Variants in WFDC10B observed in about 807,000 individuals in gnomAD.
WFDC10B encodes the protein WAP four-disulfide core domain 10B.
Under a neutral mutation model 2.7 loss-of-function variants are expected in WFDC10B, and 1 was observed. The ratio of observed to expected loss-of-function variants is 0.38; its 90% CI spans 0.13 to 1.79. WFDC10B has a LOEUF of 1.79. WFDC10B is among the 40% of genes most tolerant of loss of function. The pLI, the probability that WFDC10B is intolerant of heterozygous loss-of-function variation, is 0.33. For missense variants in WFDC10B, 71 were observed against 87.8 expected, an observed-to-expected ratio of 0.81 and a Z score of 0.76; for synonymous variants, 26 against 32.2, an observed-to-expected ratio of 0.81 and a Z score of 0.65.
chr20:45,703,512 A>G (rs559531681), intron 2 of WFDC10B, among the ~76,000 whole-genome samples: 1 of 152,330 alleles, frequency 6.6e-6, no homozygotes, highest in East Asian at 1.9e-4. Context: ...TCTATTTGCA[A>G]TAGAATGCCC....
At chr20:45,704,141 C>T (rs1183619144) in intron 2 of WFDC10B, among the ~76,000 whole-genome samples, 1 of 152,220 alleles carries the variant, frequency 6.6e-6, no homozygotes, top group Non-Finnish European at 1.5e-5. Flanking sequence ...CATTGATACC[C>T]TTGATATGGA....
intron 2 of WFDC10B, among the ~76,000 whole-genome samples, chr20:45,704,039 T>A (rs1281908060): frequency 6.6e-6 from 1 of 152,218 alleles, no homozygotes; most frequent in Non-Finnish European, 1.5e-5. Context: ...TAAACTATGT[T>A]GTTAATGAGA....
At chr20:45,693,504 T>C (rs979739198) in intron 2 of WFDC10B, among the ~76,000 whole-genome samples, 1 of 152,176 alleles carries the variant, frequency 6.6e-6, no homozygotes, top group Non-Finnish European at 1.5e-5. Flanking sequence ...CCCGGCTGCT[T>C]TGTTTACCTA....
At chr20:45,693,244 G>A (rs890294300) in intron 2 of WFDC10B, among the ~76,000 whole-genome samples, 16 of 152,172 alleles carry the variant, frequency 1.1e-4, no homozygotes, top group African/African-American at 3.6e-4. Context: ...CCTACTGGGG[G>A]GTGCCTCCCA....
Position 45,686,061 on chromosome 20 carries a change from G to A in WFDC10B, c.-64-5C>T. 2 of 1,564,292 alleles carry A rather than the reference G, an allele frequency of 1.3e-6. No individual in the cohort carries two copies. The highest frequency in any genetic ancestry group is 1.7e-6 in the Non-Finnish European group (2 of 1,153,104). On this transcript the variant is annotated splice_region_variant and splice_polypyrimidine_tract_variant and intron_variant, in intron 2 of 3. Coordinates refer to ENST00000330523, the MANE Select transcript of WFDC10B (RefSeq NM_172006.2). The stretch of plus-strand genomic sequence containing the variant: ...CAGACTTCCCTGCAGAGCTGCCTGT[G>A]GAGAGGGAAGGAAATAAAGAAGGAA...
chr20:45,701,214 T>A (rs1284679286), intron 2 of WFDC10B, among the ~76,000 whole-genome samples: 1 of 152,136 alleles, frequency 6.6e-6, no homozygotes, highest in Non-Finnish European at 1.5e-5. Context: ...GCAGTTTTTG[T>A]AGGTAGATTC....
rs566390657 is a variant in WFDC10B at position 45,691,482 on chromosome 20, GT to G, written c.-64-5427del. Among the ~76,000 whole-genome samples, 815 of 150,914 alleles carry G rather than the reference GT, an allele frequency of 5.4e-3. 6 individuals carry two copies. The highest frequency in any genetic ancestry group is 0.019 in the African/African-American group (781 of 41,012). The stretch of plus-strand genomic sequence containing the variant: ...AATGTGTGGGAGTCTAAGTCTCTTT[GT>G]AGGTCACTCAGGACTTGCTTTATGA... On this transcript the variant is annotated intron_variant, in intron 2 of 3. Coordinates refer to ENST00000330523, the MANE Select transcript of WFDC10B (RefSeq NM_172006.2).
chr20:45,684,719 C>A lies in WFDC10B; in HGVS notation c.*111G>T, dbSNP rs1424713587. Reference sequence around the variant, plus strand: ...TCAGACACTGGGGAGGGTGGCATTCCTGTTGATGTTCTTGTGCTGATGATT... The same window carrying A: ...TCAGACACTGGGGAGGGTGGCATTCATGTTGATGTTCTTGTGCTGATGATT... On this transcript the variant is annotated 3_prime_UTR_variant, in exon 4 of 4. Transcript: ENST00000330523. 8 of 1,443,300 alleles carry A rather than the reference C, an allele frequency of 5.5e-6. No homozygotes were observed. The East Asian group carries it at 7.0e-5, about 13-fold the overall frequency. 89.4% of individuals were successfully genotyped at this position (1,443,300 alleles called of 1,614,324 possible).
chr20:45,702,901 G>C (rs1336343529), intron 2 of WFDC10B, among the ~76,000 whole-genome samples: 1 of 152,204 alleles, frequency 6.6e-6, no homozygotes, highest in African/African-American at 2.4e-5. Context: ...AACATCTTCA[G>C]AATACTGGCG....
intron 2 of WFDC10B, among the ~76,000 whole-genome samples, chr20:45,693,871 A>G (rs527435518): frequency 3.0e-4 from 45 of 152,300 alleles, no homozygotes; most frequent in Admixed American, 2.7e-3. Flanking sequence ...CCCTAGTGAG[A>G]TGAACCCGGT....
At chr20:45,685,524 C>T (rs192239806) in intron 3 of WFDC10B, among the ~76,000 whole-genome samples, 2 of 152,208 alleles carry the variant, frequency 1.3e-5, no homozygotes, top group Non-Finnish European at 2.9e-5. Context: ...CCCATTTCTA[C>T]ACCTACACCT....
intron 2 of WFDC10B, among the ~76,000 whole-genome samples, chr20:45,691,915 C>A (rs187504969): frequency 6.6e-5 from 10 of 152,262 alleles, no homozygotes; most frequent in African/African-American, 1.9e-4. Flanking sequence ...TTAGTTGATG[C>A]AGTTTCTTCT....
rs1443462422 is a variant in WFDC10B at position 45,687,858 on chromosome 20, CTTTT to C, written c.-64-1806_-64-1803del. Among the ~76,000 whole-genome samples, 154 of 124,962 alleles carry C rather than the reference CTTTT, an allele frequency of 1.2e-3. 2 individuals carry two copies. The highest frequency in any genetic ancestry group is 4.9e-3 in the African/African-American group (143 of 29,196). 82.0% of individuals were successfully genotyped at this position (124,962 alleles called of 152,430 possible). A position where few individuals can be genotyped will look rare whatever the true frequency, so the allele number is the denominator to read the frequency against. On this transcript the variant is annotated intron_variant, in intron 2 of 3. Coordinates refer to ENST00000330523, the MANE Select transcript of WFDC10B (RefSeq NM_172006.2). ...TTTTTAATGGGATTGCTTGTCTTTT[CTTTT>C]ATTATTATTATTATTATTATTATTA...
chr20:45,685,040 C>A, intron 3 of WFDC10B, 80 bp from the exon 4 acceptor site: 2 of 1,578,490 alleles, frequency 1.3e-6, no homozygotes, highest in African/African-American at 2.7e-5. Flanking sequence ...CCTCCATGGC[C>A]CCAGAACCAA....
At chr20:45,685,021 C>CTTGAAGCTCCTCCA in intron 3 of WFDC10B, 61 bp from the exon 4 acceptor site, 1 of 1,601,652 alleles carries the variant, frequency 6.2e-7, no homozygotes, top group Non-Finnish European at 8.5e-7. Context: ...CCTTCTCAAG[C>CTTGAAGCTCCTCCA]TTGAAGCTCC....
Position 45,684,979 on chromosome 20 carries a change from A to G in WFDC10B, c.92-19T>C, listed in dbSNP as rs753020186. ...TTGATTCCTGAAATGATGCAGGAGC[A>G]GGGTCAATGAAACCATGCACCTATA... On this transcript the variant is annotated intron_variant, in intron 3 of 3. Coordinates refer to ENST00000330523, the MANE Select transcript of WFDC10B (RefSeq NM_172006.2). 11 of 1,613,264 alleles carry G rather than the reference A, an allele frequency of 6.8e-6. No homozygotes were observed. The highest frequency in any genetic ancestry group is 1.3e-5 in the African/African-American group (1 of 74,874).
intron 2 of WFDC10B, chr20:45,702,216 G>A (rs1984191751): frequency 3.7e-6 from 6 of 1,610,550 alleles, no homozygotes; most frequent in African/African-American, 1.3e-5. Flanking sequence ...TTCTGAGTAG[G>A]TGCTGGATCT....
chr20:45,684,761 C>T lies in WFDC10B; in HGVS notation c.*69G>A, dbSNP rs542970247. On this transcript the variant is annotated 3_prime_UTR_variant, in exon 4 of 4. Coordinates refer to ENST00000330523, the MANE Select transcript of WFDC10B (RefSeq NM_172006.2). ...CTGATGATTTGATGTCCTTGTGCTT[C>T]GGATGTGGGCACAGTCTCGGATGGA... 4.2e-5 allele frequency: 66 copies of T among 1,574,880 alleles called. No individual in the cohort carries two copies. The highest frequency in any genetic ancestry group is 1.1e-4 in the South Asian group (9 of 85,068).
At chr20:45,701,511 T>C (rs965540964) in intron 2 of WFDC10B, among the ~76,000 whole-genome samples, 2 of 152,076 alleles carry the variant, frequency 1.3e-5, no homozygotes, top group Non-Finnish European at 2.9e-5. Context: ...CCTGTAATCC[T>C]AGCACTTTGA....
Sources: allele counts gnomAD v4.1 joint callset (sites outside exome capture counted in the v4.1 genomes callset), GRCh38; gene constraint gnomAD v4.1.1; transcripts MANE v1.5; gene names NCBI Gene and HGNC (gene_info 2026-07-23, HGNC 2026-07-21).